Variants in RAD54B observed in about 807,000 individuals in gnomAD.
The protein encoded by RAD54B is RAD54 homolog B.
In RAD54B, 78 loss-of-function variants were observed where a neutral mutation model predicts 95.8. The ratio of observed to expected loss-of-function variants is 0.81; its 90% confidence interval spans 0.68 to 0.98. The LOEUF (loss-of-function observed/expected upper bound fraction) is 0.98, where lower values mean the gene tolerates loss of function less well. RAD54B is among the 50% of genes least tolerant of loss of function. The pLI, the probability that RAD54B is intolerant of heterozygous loss-of-function variation, is 0.00. For missense variants in RAD54B, 957 were observed against 1,056.6 expected (o/e 0.91, Z 1.31); for synonymous variants, 328 against 354.9 (o/e 0.92, Z 0.85).
At position 94,379,943 on chromosome 8, in the gene RAD54B, T is replaced by G. The variant is rs77690998; in HGVS notation, c.2247+202A>C. On this transcript the variant is annotated intron_variant, in intron 12 of 14. Transcript: ENST00000336148. Reference sequence around the variant, plus strand: ...TAGAACAAGCTTCTATATCTTCATCTGTAAAATGGGACTACTAATATCCAT... The same window carrying G: ...TAGAACAAGCTTCTATATCTTCATCGGTAAAATGGGACTACTAATATCCAT... Among the ~76,000 whole-genome samples, 1,194 of 152,304 alleles carry G rather than the reference T, an allele frequency of 7.8e-3. 13 individuals carry two copies. Among genetic ancestry groups the G allele is most frequent in the African/African-American group, 0.027 (1,121 of 41,556 alleles).
chr8:94,381,310 T>C (rs1348251797), intron 11 of RAD54B, among the ~76,000 whole-genome samples: 1 of 150,988 alleles, frequency 6.6e-6, no homozygotes. Context: ...AGATAGGGAG[T>C]CCCCAAATTT....
Position 94,378,206 on chromosome 8 carries a change from TCACA to T in RAD54B, c.2485_2488del (p.Cys829SerfsTer34), listed in dbSNP as rs770006812. 4.3e-6 allele frequency: 7 copies of T among 1,611,942 alleles called. No individual in the cohort carries two copies. Among genetic ancestry groups the T allele is most frequent in the Middle Eastern group, 1.9e-4 (1 of 5,312 alleles). ...TGTATGAACTTCTTCTCCTGTACAC[TCACA>T]GTCAAGCAGATCATGAGTAACACAA... On this transcript the variant is annotated frameshift_variant, in exon 14 of 15. Coordinates refer to ENST00000336148, the MANE Select transcript of RAD54B (RefSeq NM_012415.3). LOFTEE classifies it high-confidence loss of function.
chr8:94,454,242 C>T (rs931553080), intron 3 of RAD54B, among the ~76,000 whole-genome samples: 20 of 151,078 alleles, frequency 1.3e-4, no homozygotes, highest in African/African-American at 4.9e-4. Context: ...AGACAGAAAG[C>T]AAATTAGTGG....
At chr8:94,471,488 T>G (rs1813171431) in intron 1 of RAD54B, among the ~76,000 whole-genome samples, 1 of 152,134 alleles carries the variant, frequency 6.6e-6, no homozygotes, top group South Asian at 2.1e-4. Context: ...TATATAAGAT[T>G]GTAGTATGGT....
intron 4 of RAD54B, among the ~76,000 whole-genome samples, chr8:94,409,917 C>A (rs1409682162): frequency 6.6e-6 from 1 of 152,158 alleles, no homozygotes; most frequent in African/African-American, 2.4e-5. Flanking sequence ...AAAAATCTAG[C>A]CCCAATCGAC....
chr8:94,450,863 T>C (rs959223317), intron 3 of RAD54B, among the ~76,000 whole-genome samples: 42 of 152,086 alleles, frequency 2.8e-4, no homozygotes, highest in African/African-American at 9.9e-4. Flanking sequence ...CCCTTTTTGA[T>C]AGACTGGTTA....
intron 3 of RAD54B, among the ~76,000 whole-genome samples, chr8:94,426,838 C>T (rs1041547799): frequency 3.9e-5 from 6 of 152,018 alleles, no homozygotes. Flanking sequence ...TCACTGTATG[C>T]AAATCTTACC....
intron 9 of RAD54B, among the ~76,000 whole-genome samples, chr8:94,393,010 G>T (rs1055247619): frequency 2.0e-5 from 3 of 151,182 alleles, no homozygotes; most frequent in Middle Eastern, 3.4e-3. Flanking sequence ...TTTTAGTAGA[G>T]ACGGGGTTTC....
intron 2 of RAD54B, among the ~76,000 whole-genome samples, chr8:94,463,640 G>A (rs1442569586): frequency 1.3e-5 from 2 of 151,898 alleles, no homozygotes; most frequent in Non-Finnish European, 2.9e-5. Context: ...AACACTTTGG[G>A]AGGCTGAGGA....
intron 3 of RAD54B, among the ~76,000 whole-genome samples, chr8:94,451,849 T>C (rs780117392): frequency 1.9e-4 from 28 of 151,010 alleles, no homozygotes; most frequent in Non-Finnish European, 2.9e-4. Flanking sequence ...ACAACACATA[T>C]CCTGGTCCAG....
chr8:94,434,282 T>C (rs1812198369), intron 3 of RAD54B, among the ~76,000 whole-genome samples: 1 of 151,856 alleles, frequency 6.6e-6, no homozygotes, highest in Admixed American at 6.6e-5. Context: ...ATATGCCTCA[T>C]ATCTGGAACA....
intron 3 of RAD54B, chr8:94,429,322 A>G: frequency 2.2e-6 from 1 of 457,272 alleles, no homozygotes; most frequent in Non-Finnish European, 2.9e-6. Flanking sequence ...TATTTTGTAT[A>G]TACATAATTT....
In RAD54B at chr8:94,458,443, GA is replaced by G. The variant is rs769510293; in HGVS notation, c.136-8del. 6.5e-7 allele frequency: 1 copy of G among 1,542,646 alleles called. No individual in the cohort carries two copies. Among genetic ancestry groups the G allele is most frequent in the Admixed American group, 2.2e-5 (1 of 45,404 alleles). ...TGTTATTAATTGCAACACCCTAAAA[GA>G]AACAAATATATATTTAAATCAGAAC... On this transcript the variant is annotated splice_region_variant and splice_polypyrimidine_tract_variant and intron_variant, in intron 2 of 14. Transcript: ENST00000336148.
intron 3 of RAD54B, chr8:94,430,505 A>C: frequency 2.2e-6 from 2 of 930,048 alleles, no homozygotes; most frequent in Middle Eastern, 5.5e-4. Flanking sequence ...GAATCGCTAA[A>C]GGGTTTATTA....
chr8:94,471,075 A>C (rs763752531), intron 1 of RAD54B, among the ~76,000 whole-genome samples: 10 of 152,108 alleles, frequency 6.6e-5, no homozygotes, highest in Non-Finnish European at 1.5e-4. Flanking sequence ...CCTCCCAAAG[A>C]CTGGACTGGA....
intron 3 of RAD54B, among the ~76,000 whole-genome samples, chr8:94,425,252 A>T (rs1364736379): frequency 2.6e-5 from 3 of 117,282 alleles, no homozygotes; most frequent in African/African-American, 7.9e-5. Flanking sequence ...TTTTTTTTTT[A>T]AAGAGGTCTT....
intron 3 of RAD54B, chr8:94,436,520 C>T: frequency 6.5e-7 from 1 of 1,549,374 alleles, no homozygotes; most frequent in South Asian, 1.2e-5. Context: ...CTGTCTCTTA[C>T]CAGGCAAAAA....
chr8:94,453,843 G>A (rs528526561), intron 3 of RAD54B, among the ~76,000 whole-genome samples: 1 of 152,246 alleles, frequency 6.6e-6, no homozygotes, highest in South Asian at 2.1e-4. Flanking sequence ...CCAGGCTGGA[G>A]TGCAACGGCG....
intron 3 of RAD54B, among the ~76,000 whole-genome samples, chr8:94,419,025 C>T (rs778265525): frequency 6.6e-6 from 1 of 152,102 alleles, no homozygotes. Flanking sequence ...TAATTTCACA[C>T]TACACTTAAA....
Sources: gnomAD v4.1 joint callset for allele counts (sites outside exome capture counted in the v4.1 genomes callset) on GRCh38, gnomAD v4.1.1 for gene constraint, MANE v1.5 for transcripts, NCBI Gene and HGNC (gene_info 2026-07-23, HGNC 2026-07-21) for gene names.